CEP128: variants seen among roughly 807,000 people sequenced by gnomAD.
CEP128 encodes the protein centrosomal protein 128.
In CEP128, 132 loss-of-function variants were observed where a neutral mutation model predicts 156.7. That is an observed-to-expected ratio of 0.84 (90% confidence interval 0.73 to 0.97). CEP128 has a LOEUF of 0.97. Among genes scored for constraint, CEP128 ranks in the 50% least tolerant of loss-of-function variants. The pLI is 0.00. For missense variants in CEP128, 1,252 were observed against 1,281.9 expected (o/e 0.98, Z 0.36); for synonymous variants, 469 against 448.9 (o/e 1.04, Z -0.57).
chr14:80,496,045 T>G (rs1016025702), downstream of CEP128, among the ~76,000 whole-genome samples: 1 of 152,194 alleles, frequency 6.6e-6, no homozygotes, highest in South Asian at 2.1e-4. Flanking sequence ...TTCCTGAAGT[T>G]AGACAGAAGA....
intron 21 of CEP128, among the ~76,000 whole-genome samples, chr14:80,549,582 G>C (rs1030027317): frequency 6.6e-6 from 1 of 152,180 alleles, no homozygotes; most frequent in Non-Finnish European, 1.5e-5. Flanking sequence ...TTTCCTTAGC[G>C]TCAAGATTCT....
chr14:80,763,888 A>T (rs1160151069), intron 16 of CEP128, among the ~76,000 whole-genome samples: 2 of 152,188 alleles, frequency 1.3e-5, no homozygotes, highest in East Asian at 3.9e-4. Context: ...CACGTACATA[A>T]GGCCTCCTGA....
chr14:80,662,325 G>C (rs564148608), intron 19 of CEP128, among the ~76,000 whole-genome samples: 49 of 152,272 alleles, frequency 3.2e-4, no homozygotes, highest in Non-Finnish European at 5.1e-4. Flanking sequence ...TAACTTTAAA[G>C]TCTAAAATTG....
intron 19 of CEP128, among the ~76,000 whole-genome samples, chr14:80,719,318 T>C (rs1897726982): frequency 6.6e-6 from 1 of 152,178 alleles, no homozygotes; most frequent in African/African-American, 2.4e-5. Context: ...GCAATGCCTA[T>C]AACTTAGCCC....
chr14:80,575,531 A>AG (rs1891319227), intron 20 of CEP128, among the ~76,000 whole-genome samples: 1 of 152,188 alleles, frequency 6.6e-6, no homozygotes, highest in Non-Finnish European at 1.5e-5. Context: ...AGAAAGGGCA[A>AG]GGGTAGAAGG....
chr14:80,904,688 G>T, intron 6 of CEP128, 125 bp downstream of exon 6: 1 of 670,146 alleles, frequency 1.5e-6, no homozygotes, highest in Non-Finnish European at 2.7e-6. Context: ...AAAGGGATCA[G>T]TATAAAGTTA....
chr14:80,486,971 C>T (rs569516916), downstream of CEP128, among the ~76,000 whole-genome samples: 16 of 152,166 alleles, frequency 1.1e-4, no homozygotes, highest in East Asian at 7.7e-4. Flanking sequence ...CATCAACTAA[C>T]GAGCAAAATA....
intron 13 of CEP128, among the ~76,000 whole-genome samples, chr14:80,802,643 C>A (rs1883944144): frequency 6.6e-6 from 1 of 151,156 alleles, no homozygotes; most frequent in African/African-American, 2.4e-5. Context: ...ATGTTCTGCA[C>A]ATGTATCCCG....
At chr14:80,719,586 T>C (rs1309939587) in intron 19 of CEP128, among the ~76,000 whole-genome samples, 1 of 152,196 alleles carries the variant, frequency 6.6e-6, no homozygotes, top group Non-Finnish European at 1.5e-5. Context: ...ATCCCTGTGG[T>C]AAAATGAGTA....
chr14:80,534,655 C>A lies in CEP128; in HGVS notation c.2881-3769G>T, dbSNP rs764554582. Among the ~76,000 whole-genome samples the A allele has an allele frequency of 7.2e-5, 11 of 151,980 alleles. No individual in the cohort carries two copies. In the East Asian group the frequency reaches 1.2e-3, roughly 16 times the overall value. On this transcript the variant is annotated intron_variant, in intron 21 of 24. Coordinates refer to ENST00000555265, the MANE Select transcript of CEP128 (RefSeq NM_152446.5). The stretch of plus-strand genomic sequence containing the variant: ...CCTGGTGAACACGGTGAAACCCCAT[C>A]TCTACTAAAAATACAAAAAATTAGC...
intron 19 of CEP128, among the ~76,000 whole-genome samples, chr14:80,734,844 C>T (rs1219265159): frequency 3.3e-5 from 3 of 91,840 alleles, no homozygotes; most frequent in African/African-American, 1.5e-4. Context: ...AAGACCCCAT[C>T]TCAAAAAAAA....
chr14:80,773,674 C>T (rs1900636473), intron 16 of CEP128, among the ~76,000 whole-genome samples: 1 of 151,990 alleles, frequency 6.6e-6, no homozygotes, highest in Non-Finnish European at 1.5e-5. Context: ...ACTGGCTGAA[C>T]AAAAATGATT....
At chr14:80,538,690 T>G (rs1889599418) in intron 21 of CEP128, among the ~76,000 whole-genome samples, 1 of 152,192 alleles carries the variant, frequency 6.6e-6, no homozygotes, top group Non-Finnish European at 1.5e-5. Context: ...AGCACGCATA[T>G]CATCAACTCC....
At chr14:80,586,588 A>G (rs757280956) in intron 19 of CEP128, among the ~76,000 whole-genome samples, 1 of 152,214 alleles carries the variant, frequency 6.6e-6, no homozygotes, top group Non-Finnish European at 1.5e-5. Flanking sequence ...CCAAACAGAA[A>G]CAAAAGAAAA....
intron 19 of CEP128, among the ~76,000 whole-genome samples, chr14:80,647,660 T>C (rs1430454240): frequency 6.6e-6 from 1 of 152,038 alleles, no homozygotes; most frequent in Non-Finnish European, 1.5e-5. Flanking sequence ...TTGTCACGAC[T>C]GGGGAGGGGA....
intron 19 of CEP128, among the ~76,000 whole-genome samples, chr14:80,625,181 C>T (rs1013240692): frequency 7.2e-5 from 11 of 152,084 alleles, no homozygotes; most frequent in African/African-American, 2.7e-4. Context: ...TAACGAGGCA[C>T]TTTTGTTAAC....
intron 20 of CEP128, among the ~76,000 whole-genome samples, chr14:80,575,997 G>A (rs1245259692): frequency 1.3e-5 from 2 of 151,710 alleles, no homozygotes; most frequent in African/African-American, 4.8e-5. Flanking sequence ...CAGATACTCT[G>A]TTCAGTGACT....
At chr14:80,651,887 T>C (rs543005035) in intron 19 of CEP128, among the ~76,000 whole-genome samples, 1 of 152,258 alleles carries the variant, frequency 6.6e-6, no homozygotes, top group Non-Finnish European at 1.5e-5. Flanking sequence ...AAAGAATGTA[T>C]ATTCTACTGA....
intron 21 of CEP128, 22 bp downstream of exon 21, chr14:80,559,257 G>A: frequency 6.2e-7 from 1 of 1,600,224 alleles, no homozygotes; most frequent in Non-Finnish European, 8.5e-7. Context: ...GATAAAAGGA[G>A]AAAGAAAATG....
Sources: gnomAD v4.1 joint callset for allele counts (sites outside exome capture counted in the v4.1 genomes callset) on GRCh38, gnomAD v4.1.1 for gene constraint, MANE v1.5 for transcripts, NCBI Gene and HGNC (gene_info 2026-07-23, HGNC 2026-07-21) for gene names.